The following NFILZ variants were observed in gnomAD, a reference collection of about 807,000 sequenced individuals.
The protein encoded by NFILZ is NFIL3 like basic leucine zipper.
chr19:8,665,807 G>A (rs1248321695), intron 3 of NFILZ, among the ~76,000 whole-genome samples: 4 of 152,194 alleles, frequency 2.6e-5, no homozygotes, highest in Non-Finnish European at 5.9e-5. Flanking sequence ...AAACAAATGA[G>A]TATTTCCCTT....
intron 3 of NFILZ, among the ~76,000 whole-genome samples, chr19:8,640,290 A>G (rs1440637416): frequency 1.4e-5 from 2 of 146,908 alleles, no homozygotes; most frequent in Admixed American, 6.9e-5. Flanking sequence ...TGGCCAATGT[A>G]GCAAGAACCT....
Position 8,663,610 on chromosome 19 carries a change from G to C in NFILZ, c.-163-10941G>C, listed in dbSNP as rs1453085027. Among the ~76,000 whole-genome samples, 7 of 152,014 alleles carry C rather than the reference G, an allele frequency of 4.6e-5. No homozygotes were observed. The South Asian group carries it at 1.4e-3, about 31-fold the overall frequency. On this transcript the variant is annotated intron_variant, in intron 3 of 5. Transcript: ENST00000691075. ...GCCACGTTGAGTATTTGATGCTCGC[G>C]GGCGTTGGGAGGTAAATGTCCCACG...
At chr19:8,659,830 G>A (rs1372755554) in intron 3 of NFILZ, among the ~76,000 whole-genome samples, 1 of 152,090 alleles carries the variant, frequency 6.6e-6, no homozygotes, top group Non-Finnish European at 1.5e-5. Flanking sequence ...TAGGCTTGGG[G>A]TGAGGGGGTG....
At chr19:8,647,578 C>CA (rs1491027770) in intron 3 of NFILZ, among the ~76,000 whole-genome samples, 2 of 140,254 alleles carry the variant, frequency 1.4e-5, no homozygotes, top group Admixed American at 7.1e-5. Flanking sequence ...GTCCCCGCAC[C>CA]CCCCCCCCCA....
chr19:8,658,313 C>A (rs2043014271), intron 3 of NFILZ, among the ~76,000 whole-genome samples: 1 of 152,042 alleles, frequency 6.6e-6, no homozygotes, highest in Non-Finnish European at 1.5e-5. Context: ...GGTTCTCCAC[C>A]ATGCCCTATT....
At chr19:8,652,373 G>A (rs1332881939) in intron 3 of NFILZ, among the ~76,000 whole-genome samples, 1 of 152,176 alleles carries the variant, frequency 6.6e-6, no homozygotes, top group Non-Finnish European at 1.5e-5. Flanking sequence ...AAAGTGCTGG[G>A]ATTACAGGCT....
intron 3 of NFILZ, among the ~76,000 whole-genome samples, chr19:8,643,463 T>G (rs1345907986): frequency 1.3e-5 from 2 of 152,190 alleles, no homozygotes; most frequent in Non-Finnish European, 1.5e-5. Context: ...TCTGAGTGTA[T>G]CTGGGAGGGT....
chr19:8,645,392 G>C (rs2042935083), intron 3 of NFILZ, among the ~76,000 whole-genome samples: 1 of 148,872 alleles, frequency 6.7e-6, no homozygotes, highest in African/African-American at 2.5e-5. Flanking sequence ...CTCCTGCCTA[G>C]GCCTCCCAAA....
chr19:8,640,037 T>C (rs1193730306), intron 3 of NFILZ, among the ~76,000 whole-genome samples: 2 of 152,150 alleles, frequency 1.3e-5, no homozygotes, highest in African/African-American at 4.8e-5. Flanking sequence ...GGCGTCTGCC[T>C]CTCTCCCACG....
chr19:8,653,954 C>T (rs782789826), intron 3 of NFILZ, among the ~76,000 whole-genome samples: 3 of 152,144 alleles, frequency 2.0e-5, no homozygotes, highest in Admixed American at 2.0e-4. Context: ...CCAGGCCAGG[C>T]GTGGTGGCTT....
chr19:8,638,313 G>A lies in NFILZ; in HGVS notation c.-164+2567G>A, dbSNP rs559471307. ...CGTGCGTTCATGAGTGTGCACGTGC[G>A]TTAGCCGCTGTGTGCATTTGTGGGC... On this transcript the variant is annotated intron_variant, in intron 3 of 5. Coordinates refer to ENST00000691075, the MANE Select transcript of NFILZ (RefSeq NM_001378600.1). 9.2e-5 allele frequency among the ~76,000 whole-genome samples: 14 copies of A among 152,250 alleles called. No individual in the cohort carries two copies. In the South Asian group the frequency reaches 1.9e-3, roughly 20 times the overall value.
In NFILZ at chr19:8,678,195, A is replaced by AT. The variant is rs1555751034; in HGVS notation, c.*561dup. 1.2e-5 allele frequency among the ~76,000 whole-genome samples: 1 copy of AT among 84,458 alleles called. No individual in the cohort carries two copies. The allele number at this position is 84,458 out of a possible 152,430, so 55.4% of individuals were successfully genotyped here. ...CATCCATCCATCCATCCATCCGTCC[A>AT]TCTATCCATCCATCCATTCATCCAT... is the stretch of plus-strand genomic sequence containing the variant. On this transcript the variant is annotated 3_prime_UTR_variant, in exon 6 of 6. Transcript: ENST00000691075.
chr19:8,663,078 G>A (rs536705376), intron 3 of NFILZ, among the ~76,000 whole-genome samples: 1 of 151,938 alleles, frequency 6.6e-6, no homozygotes, highest in African/African-American at 2.4e-5. Flanking sequence ...CTCCTAAGTA[G>A]CTGGGACTAC....
intron 3 of NFILZ, among the ~76,000 whole-genome samples, chr19:8,644,914 C>T (rs990454900): frequency 2.6e-5 from 4 of 151,790 alleles, no homozygotes; most frequent in African/African-American, 7.3e-5. Context: ...TACAGGCAAA[C>T]GCCTCCATTC....
At position 8,677,830 on chromosome 19, in the gene NFILZ, T is replaced by C. The variant is rs567394462; in HGVS notation, c.*195T>C. The stretch of plus-strand genomic sequence containing the variant: ...TAGGGGTGGAGTGGATGGGAGCCCA[T>C]CTTGGATTCTACCATGGCTCTTGCC... On this transcript the variant is annotated 3_prime_UTR_variant, in exon 6 of 6. Transcript: ENST00000691075. Among the ~76,000 whole-genome samples the C allele has an allele frequency of 6.6e-6, 1 of 152,176 alleles. No homozygotes were observed. The highest frequency in any genetic ancestry group is 2.4e-5 in the African/African-American group (1 of 41,514).
intron 3 of NFILZ, among the ~76,000 whole-genome samples, chr19:8,639,711 T>G (rs1314495042): frequency 6.6e-6 from 1 of 151,544 alleles, no homozygotes; most frequent in African/African-American, 2.4e-5. Flanking sequence ...CCTGAAGGAG[T>G]TGTTGGAAGG....
intron 3 of NFILZ, among the ~76,000 whole-genome samples, chr19:8,646,846 A>G (rs1600142606): frequency 6.6e-6 from 1 of 152,112 alleles, no homozygotes; most frequent in East Asian, 1.9e-4. Context: ...GTATCCTCAG[A>G]GAAGTGACCC....
At chr19:8,648,496 T>C (rs1417912055) in intron 3 of NFILZ, among the ~76,000 whole-genome samples, 1 of 151,980 alleles carries the variant, frequency 6.6e-6, no homozygotes, top group Non-Finnish European at 1.5e-5. Context: ...ATGGTTAGTT[T>C]TACATTATGT....
chr19:8,639,858 C>T (rs2042911478), intron 3 of NFILZ, among the ~76,000 whole-genome samples: 1 of 152,080 alleles, frequency 6.6e-6, no homozygotes, highest in Admixed American at 6.6e-5. Context: ...AGCCAGGTGG[C>T]CATTAGTGAG....
Sources: gnomAD v4.1 joint callset for allele counts (sites outside exome capture counted in the v4.1 genomes callset) on GRCh38, gnomAD v4.1.1 for gene constraint, MANE v1.5 for transcripts, NCBI Gene and HGNC (gene_info 2026-07-23, HGNC 2026-07-21) for gene names.